The following LRRC42 variants were observed in gnomAD, a reference collection of about 807,000 sequenced individuals.
LRRC42 encodes the protein leucine rich repeat containing 42.
Under a neutral mutation model 44.3 loss-of-function variants are expected in LRRC42, and 43 were observed. The ratio of observed to expected loss-of-function variants is 0.97; its 90% CI spans 0.76 to 1.25. The LOEUF (loss-of-function observed/expected upper bound fraction) is 1.25. Ranked by LOEUF, LRRC42 falls within the 50% of genes most tolerant of loss-of-function variation. LRRC42 has a pLI of 0.00. For synonymous variants in LRRC42, 207 were observed against 195.2 expected, an observed-to-expected ratio of 1.06 and a Z score of -0.50; for missense variants, 540 against 509.1, an observed-to-expected ratio of 1.06 and a Z score of -0.58.
intron 8 of LRRC42, among the ~76,000 whole-genome samples, chr1:53,966,780 C>T (rs190568385): frequency 7.2e-5 from 11 of 151,908 alleles, no homozygotes; most frequent in South Asian, 2.1e-4. Flanking sequence ...GTAAGGAAAC[C>T]GACACAACAT....
intron 7 of LRRC42, among the ~76,000 whole-genome samples, chr1:53,964,534 C>T (rs931374200): frequency 6.6e-6 from 1 of 152,094 alleles, no homozygotes; most frequent in East Asian, 1.9e-4. Flanking sequence ...TTCTGTTTAG[C>T]GGAAGGAAGC....
chr1:53,963,942 T>TCC (rs1367185841), intron 7 of LRRC42, among the ~76,000 whole-genome samples: 4 of 38,096 alleles, frequency 1.0e-4, no homozygotes, highest in African/African-American at 1.7e-4. Flanking sequence ...TTTCCCCTCC[T>TCC]GCCCACCCCC....
intron 3 of LRRC42, among the ~76,000 whole-genome samples, chr1:53,953,132 C>A (rs1276731209): frequency 6.6e-6 from 1 of 152,172 alleles, no homozygotes; most frequent in Non-Finnish European, 1.5e-5. Flanking sequence ...CACAAAGTGG[C>A]ATAAAATGAA....
At chr1:53,961,302 T>G (rs1450672130) in intron 5 of LRRC42, among the ~76,000 whole-genome samples, 2 of 151,938 alleles carry the variant, frequency 1.3e-5, no homozygotes, top group African/African-American at 4.8e-5. Flanking sequence ...TCCCAGCTAC[T>G]CGGGAGGCTG....
chr1:53,959,104 G>A (rs557364212), intron 4 of LRRC42, among the ~76,000 whole-genome samples: 4 of 152,118 alleles, frequency 2.6e-5, no homozygotes, highest in Admixed American at 1.3e-4. Context: ...GGTTGGTCTC[G>A]AACTTCTGAC....
At position 53,958,210 on chromosome 1, in the gene LRRC42, G is replaced by T; in HGVS notation, c.535G>T (p.Asp179Tyr). Residue 179 changes from aspartate (D) to tyrosine (Y), a missense_variant, in exon 4 of 9, where the codon GAT (aspartate) becomes TAT (tyrosine). Coordinates refer to ENST00000371370, the MANE Select transcript of LRRC42 (RefSeq NM_001256409.2). ...GTCTTTCCGGGAGCTGACCTGCCTG[G>T]ATCTTTCCTGTTGCAAGCTTGGAGA... ...IKSFRELTCL[D>Y]LSCCKLGDEH... 1 of 1,613,892 alleles carries T rather than the reference G, an allele frequency of 6.2e-7. No homozygotes were observed. Among genetic ancestry groups the T allele is most frequent in the South Asian group, 1.1e-5 (1 of 91,068 alleles).
intron 3 of LRRC42, among the ~76,000 whole-genome samples, chr1:53,955,485 A>G (rs955182792): frequency 2.6e-5 from 4 of 151,434 alleles, no homozygotes; most frequent in Non-Finnish European, 5.9e-5. Flanking sequence ...TTTGGTAGAG[A>G]TAGGGTTTCA....
intron 5 of LRRC42, 128 bp from the exon 6 acceptor site, chr1:53,961,906 T>C (rs1412986520): frequency 4.8e-5 from 32 of 659,994 alleles, no homozygotes; most frequent in Non-Finnish European, 7.4e-5. Flanking sequence ...TAATTTACTT[T>C]GAAAAGTTTG....
intron 2 of LRRC42, among the ~76,000 whole-genome samples, chr1:53,951,200 C>T (rs1654668806): frequency 6.6e-6 from 1 of 152,184 alleles, no homozygotes; most frequent in African/African-American, 2.4e-5. Context: ...TGTGTCTAAA[C>T]ATGTTTTTTA....
intron 3 of LRRC42, among the ~76,000 whole-genome samples, chr1:53,954,097 A>G (rs1265156303): frequency 6.6e-6 from 1 of 152,268 alleles, no homozygotes; most frequent in Non-Finnish European, 1.5e-5. Context: ...CAAAAAATGT[A>G]TATAAGAGAA....
chr1:53,967,556 G>C, intron 8 of LRRC42, 109 bp from the exon 9 acceptor site: 1 of 1,055,540 alleles, frequency 9.5e-7, no homozygotes, highest in East Asian at 2.4e-5. Context: ...AATCAATGCA[G>C]ATATCACCCT....
Position 53,959,453 on chromosome 1 carries a change from C to T in LRRC42, c.606-903C>T, listed in dbSNP as rs77827972. The stretch of plus-strand genomic sequence containing the variant: ...GCATTACAAACCTAGGTCTAACCTA[C>T]TACCTGAGGCCTGCTTCTGACAGTG... On this transcript the variant is annotated intron_variant, in intron 4 of 8. Transcript: ENST00000371370. 9.3e-3 allele frequency among the ~76,000 whole-genome samples: 1,421 copies of T among 152,290 alleles called. 30 individuals carry two copies. The highest frequency in any genetic ancestry group is 0.033 in the African/African-American group (1,355 of 41,548).
intron 2 of LRRC42, among the ~76,000 whole-genome samples, chr1:53,951,266 G>C (rs1654671313): frequency 6.6e-6 from 1 of 152,196 alleles, no homozygotes; most frequent in Non-Finnish European, 1.5e-5. Flanking sequence ...AAGTCATAAT[G>C]TATTTATTAA....
intron 2 of LRRC42, among the ~76,000 whole-genome samples, chr1:53,951,455 G>A (rs1284064403): frequency 6.6e-6 from 1 of 151,992 alleles, no homozygotes; most frequent in Non-Finnish European, 1.5e-5. Context: ...ACGGAGTCTC[G>A]CTCTTGTCAC....
Position 53,964,577 on chromosome 1 carries a change from G to C in LRRC42, c.928-1719G>C, listed in dbSNP as rs1007808987. Among the ~76,000 whole-genome samples the C allele has an allele frequency of 3.3e-5, 5 of 152,140 alleles. No homozygotes were observed. In the East Asian group the frequency reaches 7.7e-4, roughly 23 times the overall value. ...TCCCTATTGCCCACTGAGTCAACAT[G>C]TTCTATTAATCCATCCTGGTGTTCC... On this transcript the variant is annotated intron_variant, in intron 7 of 8. Coordinates refer to ENST00000371370, the MANE Select transcript of LRRC42 (RefSeq NM_001256409.2).
intron 7 of LRRC42, among the ~76,000 whole-genome samples, chr1:53,964,988 G>A (rs982820799): frequency 6.7e-6 from 1 of 149,470 alleles, no homozygotes; most frequent in African/African-American, 2.5e-5. Flanking sequence ...GCCTGGCCTG[G>A]AACTGTATTG....
chr1:53,955,850 G>A (rs970126567), intron 3 of LRRC42, among the ~76,000 whole-genome samples: 2 of 150,842 alleles, frequency 1.3e-5, no homozygotes, highest in Admixed American at 1.3e-4. Context: ...GGATGGTCTC[G>A]ATCTCCTGAC....
Position 53,964,820 on chromosome 1 carries a change from A to T in LRRC42, c.928-1476A>T, listed in dbSNP as rs1402865096. Among the ~76,000 whole-genome samples the T allele has an allele frequency of 5.3e-5, 8 of 152,250 alleles. No individual in the cohort carries two copies. In the East Asian group the frequency reaches 9.7e-4, roughly 18 times the overall value. ...TCACTTGCCATGGGTCCCCTGGCAA[A>T]TAAGTGGTGGAGCCAACTCTGGAAC... is the stretch of plus-strand genomic sequence containing the variant. On this transcript the variant is annotated intron_variant, in intron 7 of 8. Transcript: ENST00000371370.
chr1:53,954,394 T>C (rs1184897630), intron 3 of LRRC42, among the ~76,000 whole-genome samples: 1 of 152,238 alleles, frequency 6.6e-6, no homozygotes, highest in African/African-American at 2.4e-5. Flanking sequence ...CAAGCAATAT[T>C]TCATTGTGGC....
Sources: gnomAD v4.1 joint callset for allele counts (sites outside exome capture counted in the v4.1 genomes callset) on GRCh38, gnomAD v4.1.1 for gene constraint, MANE v1.5 for transcripts, NCBI Gene and HGNC (gene_info 2026-07-23, HGNC 2026-07-21) for gene names.